The following RASGRF2 variants were observed in gnomAD, a reference collection of about 807,000 sequenced individuals.
RASGRF2 encodes the protein Ras protein specific guanine nucleotide releasing factor 2, also known as ras-specific guanine nucleotide-releasing factor 2.
Under a neutral mutation model 151.0 loss-of-function variants are expected in RASGRF2, and 76 were observed. The observed-to-expected ratio is 0.50, with a 90% CI of 0.42 to 0.61. RASGRF2 has a LOEUF of 0.61. Among genes scored for constraint, RASGRF2 ranks in the 20% least tolerant of loss-of-function variants. RASGRF2 has a pLI of 0.00. For missense variants in RASGRF2, 1,148 were observed against 1,564.6 expected (o/e 0.73, Z 4.49); for synonymous variants, 504 against 566.5 (o/e 0.89, Z 1.57).
chr5:81,134,079 C>CGTGT (rs139770057), intron 17 of RASGRF2, among the ~76,000 whole-genome samples: 9,412 of 143,672 alleles, frequency 0.066, 414 homozygotes, highest in African/African-American at 0.098. Flanking sequence ...TGCTTGTGTG[C>CGTGT]GTGTGTGTGT....
Position 81,178,998 on chromosome 5 carries a change from A to G in RASGRF2, c.2687-1177A>G, listed in dbSNP as rs142045490. On this transcript the variant is annotated intron_variant, in intron 17 of 26. Transcript: ENST00000265080. ...CATGATCCACCGCCTTGGCCTCTCA[A>G]AGTGCTGGGATTACAGGCATGAGCC... 8.0e-3 allele frequency among the ~76,000 whole-genome samples: 1,224 copies of G among 152,302 alleles called. 24 individuals carry two copies. Among genetic ancestry groups the G allele is most frequent in the African/African-American group, 0.028 (1,161 of 41,564 alleles).
At chr5:81,045,041 GC>G (rs954345738) in intron 2 of RASGRF2, among the ~76,000 whole-genome samples, 5 of 152,142 alleles carry the variant, frequency 3.3e-5, no homozygotes, top group African/African-American at 1.2e-4. Flanking sequence ...ACATGGTTCA[GC>G]CGTCCTTGCT....
rs1175547629 is a variant in RASGRF2, at chr5:81,112,856, C to G, written c.2085C>G (p.Val695=). Reference sequence around the variant, plus strand: ...AGAGGCCTTTCACCTCCATCCCTGTCAGGTACACCTATTGCTAGAGGTTAG... The same window carrying G: ...AGAGGCCTTTCACCTCCATCCCTGTGAGGTACACCTATTGCTAGAGGTTAG... ...IYKRPFTSIP[V]RSLELFFATS... Residue 695 remains valine (V), a splice_region_variant and synonymous_variant, in exon 14 of 27, where the codon GTC becomes GTG. Coordinates refer to ENST00000265080, the MANE Select transcript of RASGRF2 (RefSeq NM_006909.3). 6.2e-7 allele frequency: 1 copy of G among 1,614,186 alleles called. No homozygotes were observed. The highest frequency in any genetic ancestry group is 1.7e-5 in the Admixed American group (1 of 60,030).
At chr5:81,012,563 T>G (rs1310048490) in intron 1 of RASGRF2, among the ~76,000 whole-genome samples, 1 of 152,158 alleles carries the variant, frequency 6.6e-6, no homozygotes, top group Non-Finnish European at 1.5e-5. Context: ...TCACTACAGC[T>G]GTAGAGAGCT....
At chr5:81,091,393 G>A (rs1395636630) in intron 9 of RASGRF2, among the ~76,000 whole-genome samples, 2 of 152,002 alleles carry the variant, frequency 1.3e-5, no homozygotes, top group South Asian at 2.1e-4. Context: ...CCCTTCGTGG[G>A]AGTCAAGCCG....
intron 12 of RASGRF2, among the ~76,000 whole-genome samples, chr5:81,097,307 T>C (rs1463837917): frequency 1.3e-5 from 2 of 152,168 alleles, no homozygotes; most frequent in African/African-American, 4.8e-5. Context: ...AAAATGACTA[T>C]GGCATTTTGT....
chr5:80,997,561 A>C (rs1748925186), intron 1 of RASGRF2: 2 of 153,044 alleles, frequency 1.3e-5, no homozygotes, highest in South Asian at 4.1e-4. Context: ...CTGAAACAGC[A>C]ATAGCTTCAC....
chr5:81,118,689 C>T (rs1207192502), intron 15 of RASGRF2, among the ~76,000 whole-genome samples: 1 of 152,218 alleles, frequency 6.6e-6, no homozygotes, highest in African/African-American at 2.4e-5. Context: ...CCAAGTCTTT[C>T]TGCTCTGTTT....
At chr5:81,173,940 A>C (rs1580379838) in intron 17 of RASGRF2, among the ~76,000 whole-genome samples, 1 of 152,340 alleles carries the variant, frequency 6.6e-6, no homozygotes, top group East Asian at 1.9e-4. Context: ...TGCTTTATAG[A>C]TACTGATTGA....
intron 18 of RASGRF2, among the ~76,000 whole-genome samples, chr5:81,185,402 C>G (rs1471408421): frequency 6.6e-6 from 1 of 152,240 alleles, no homozygotes; most frequent in East Asian, 1.9e-4. Context: ...CTGGATGGCC[C>G]TGCATCCTGC....
At chr5:81,108,390 A>G (rs1021258132) in intron 12 of RASGRF2, among the ~76,000 whole-genome samples, 2 of 152,238 alleles carry the variant, frequency 1.3e-5, no homozygotes, top group East Asian at 1.9e-4. Context: ...GGCTTTAAGC[A>G]TGCCAGAGAC....
At chr5:81,218,969 CA>C (rs1259537286) in intron 25 of RASGRF2, among the ~76,000 whole-genome samples, 2 of 152,114 alleles carry the variant, frequency 1.3e-5, no homozygotes, top group East Asian at 3.9e-4. Context: ...AGATTTTTGG[CA>C]AAGCCATTTC....
At chr5:81,036,786 T>C (rs1178164242) in intron 1 of RASGRF2, among the ~76,000 whole-genome samples, 1 of 152,202 alleles carries the variant, frequency 6.6e-6, no homozygotes, top group East Asian at 1.9e-4. Flanking sequence ...CTATGTTACA[T>C]TCCTGTGTTG....
intron 18 of RASGRF2, among the ~76,000 whole-genome samples, chr5:81,184,378 G>C (rs1290711958): frequency 6.6e-6 from 1 of 152,170 alleles, no homozygotes; most frequent in Non-Finnish European, 1.5e-5. Flanking sequence ...CAGATGGATG[G>C]GGGCTGGCTA....
intron 17 of RASGRF2, among the ~76,000 whole-genome samples, chr5:81,156,427 A>G (rs993290014): frequency 4.7e-4 from 72 of 152,326 alleles, no homozygotes; most frequent in South Asian, 2.1e-4. Context: ...AATATCCCTC[A>G]TGAGTAAAAT....
chr5:81,092,936 C>A lies in RASGRF2; in HGVS notation c.1526C>A (p.Ser509Ter). The change falls in exon 10 of 27, where the codon TCA becomes TAA. Residue 509 changes from serine to a stop codon, truncating the protein, a stop_gained. Transcript: ENST00000265080. LOFTEE classifies it high-confidence loss of function. The stretch of plus-strand genomic sequence containing the variant: ...CACTTTTTAATATGTACAAGAAGTT[C>A]AGGAGGGAAGCTTCATCTGCTCAAG... ...TKHFLICTRS[S>*]GGKLHLLKTG... The A allele has an allele frequency of 6.2e-7, 1 of 1,612,446 alleles. No individual in the cohort carries two copies. Among genetic ancestry groups the A allele is most frequent in the Middle Eastern group, 1.7e-4 (1 of 6,052 alleles).
intron 25 of RASGRF2, among the ~76,000 whole-genome samples, chr5:81,218,517 G>T (rs1222755530): frequency 6.6e-6 from 1 of 152,142 alleles, no homozygotes; most frequent in Non-Finnish European, 1.5e-5. Context: ...TAAGTATTTG[G>T]ATTTATTTCT....
At chr5:80,990,626 A>G (rs1383819009) in intron 1 of RASGRF2, among the ~76,000 whole-genome samples, 1 of 152,066 alleles carries the variant, frequency 6.6e-6, no homozygotes, top group Non-Finnish European at 1.5e-5. Flanking sequence ...GCCTCACCCC[A>G]GTGCCCCACT....
chr5:81,018,139 A>G (rs529089574), intron 1 of RASGRF2, among the ~76,000 whole-genome samples: 2 of 152,052 alleles, frequency 1.3e-5, no homozygotes, highest in South Asian at 4.2e-4. Context: ...GAAAGAAAAA[A>G]CAGAAAAAAA....
Sources: allele counts gnomAD v4.1 joint callset (sites outside exome capture counted in the v4.1 genomes callset), GRCh38; gene constraint gnomAD v4.1.1; transcripts MANE v1.5; gene names NCBI Gene and HGNC (gene_info 2026-07-23, HGNC 2026-07-21).